SESN1: variants seen among roughly 807,000 people sequenced by gnomAD.
The protein encoded by SESN1 is sestrin-1.
A neutral mutation model predicts 59.3 loss-of-function variants in SESN1; 30 were observed. The observed-to-expected ratio is 0.51, with a 90% CI of 0.38 to 0.69. The LOEUF (loss-of-function observed/expected upper bound fraction) is 0.69. SESN1 is among the 30% of genes least tolerant of loss of function. SESN1 has a pLI of 0.00. For missense variants in SESN1, 566 were observed against 673.0 expected, an observed-to-expected ratio of 0.84 and a Z score of 1.76; for synonymous variants, 197 against 219.9, an observed-to-expected ratio of 0.90 and a Z score of 0.92.
chr6:109,047,406 G>A (rs1375501842), intron 1 of SESN1, among the ~76,000 whole-genome samples: 3 of 135,056 alleles, frequency 2.2e-5, no homozygotes, highest in Admixed American at 7.0e-5. Flanking sequence ...GCCTCTGCCC[G>A]GCCGCCCCTA....
chr6:109,050,556 A>G lies in SESN1; in HGVS notation c.279+43239T>C, dbSNP rs563884996. ...ACTGGTCTGAAAGACTGATGAAATTAGCTTCCTAAGAGAGGCAGGCAAACA... is the reference window on the plus strand; with the variant it reads ...ACTGGTCTGAAAGACTGATGAAATTGGCTTCCTAAGAGAGGCAGGCAAACA... On this transcript the variant is annotated intron_variant, in intron 1 of 9. Transcript: ENST00000436639. 2.8e-4 allele frequency among the ~76,000 whole-genome samples: 42 copies of G among 152,342 alleles called. 1 individual carries two copies. The South Asian group carries it at 7.3e-3, about 26-fold the overall frequency.
At chr6:109,093,589 T>C (rs1481281485) in intron 1 of SESN1, among the ~76,000 whole-genome samples, 3 of 152,184 alleles carry the variant, frequency 2.0e-5, no homozygotes, top group East Asian at 1.9e-4. Context: ...TTAACTGTAG[T>C]TTTCATATAT....
At chr6:109,080,370 C>T (rs1340839905) in intron 1 of SESN1, among the ~76,000 whole-genome samples, 1 of 152,124 alleles carries the variant, frequency 6.6e-6, no homozygotes, top group Non-Finnish European at 1.5e-5. Flanking sequence ...AATCATCTTA[C>T]TAGGAATCTC....
chr6:109,005,110 A>G (rs1302532270), intron 1 of SESN1, among the ~76,000 whole-genome samples: 3 of 152,360 alleles, frequency 2.0e-5, no homozygotes, highest in Admixed American at 1.3e-4. Context: ...GTGAAATGCC[A>G]TACGTAAAAG....
intron 1 of SESN1, among the ~76,000 whole-genome samples, chr6:109,084,251 T>G (rs889309536): frequency 2.0e-5 from 3 of 152,182 alleles, no homozygotes; most frequent in African/African-American, 7.2e-5. Context: ...TTTTTTCCCT[T>G]TAGTATTGTT....
In SESN1 at chr6:109,040,999, G is replaced by A. The variant is rs116414563; in HGVS notation, c.280-38656C>T. 7.8e-3 allele frequency among the ~76,000 whole-genome samples: 1,190 copies of A among 151,952 alleles called. 21 individuals carry two copies. The highest frequency in any genetic ancestry group is 0.028 in the African/African-American group (1,143 of 41,468). ...ATAACATACCCTCAATTTACAGAGT[G>A]TGCATCATTTCAAATTGCAGGCCAG... is the stretch of plus-strand genomic sequence containing the variant. On this transcript the variant is annotated intron_variant, in intron 1 of 9. Transcript: ENST00000436639.
chr6:109,089,197 T>C (rs1172485425), intron 1 of SESN1, among the ~76,000 whole-genome samples: 1 of 152,202 alleles, frequency 6.6e-6, no homozygotes, highest in African/African-American at 2.4e-5. Context: ...CTGCAGAAAT[T>C]GCATATGCAC....
chr6:109,037,174 C>T (rs137949585), intron 1 of SESN1, among the ~76,000 whole-genome samples: 4 of 152,302 alleles, frequency 2.6e-5, no homozygotes, highest in African/African-American at 7.2e-5. Flanking sequence ...TTATGAACCA[C>T]GCTATTTAAG....
intron 1 of SESN1, among the ~76,000 whole-genome samples, chr6:109,077,406 A>G (rs1781049518): frequency 6.6e-6 from 1 of 152,206 alleles, no homozygotes; most frequent in African/African-American, 2.4e-5. Context: ...CTGTTTCCTC[A>G]TCTATAAAAA....
chr6:109,011,897 G>T (rs9486986), intron 1 of SESN1, among the ~76,000 whole-genome samples: 3 of 152,212 alleles, frequency 2.0e-5, no homozygotes, highest in African/African-American at 7.2e-5. Flanking sequence ...CCAAAGTGCT[G>T]GGATTACAGG....
chr6:109,073,185 C>T (rs1247605963), intron 1 of SESN1, among the ~76,000 whole-genome samples: 3 of 152,008 alleles, frequency 2.0e-5, no homozygotes, highest in South Asian at 4.2e-4. Flanking sequence ...TGGGTGAATG[C>T]ATGTACAGAG....
rs1419397333 is a variant in SESN1, at chr6:109,093,314, T to C, written c.279+481A>G. ...TTTAAGATAGGTTTTTATTATTTTATATAATTCTCTTCTTGAAAAAAGAGA... is the reference window on the plus strand; with the variant it reads ...TTTAAGATAGGTTTTTATTATTTTACATAATTCTCTTCTTGAAAAAAGAGA... On this transcript the variant is annotated intron_variant, in intron 1 of 9. Coordinates refer to ENST00000436639, the MANE Select transcript of SESN1 (RefSeq NM_014454.3). Among the ~76,000 whole-genome samples the C allele has an allele frequency of 2.6e-5, 4 of 152,208 alleles. No homozygotes were observed. The East Asian group carries it at 5.8e-4, about 22-fold the overall frequency.
chr6:109,091,973 C>T (rs1055555009), intron 1 of SESN1, among the ~76,000 whole-genome samples: 1 of 152,138 alleles, frequency 6.6e-6, no homozygotes, highest in Non-Finnish European at 1.5e-5. Flanking sequence ...GAACTCATAG[C>T]CTTCCTATGG....
intron 1 of SESN1, among the ~76,000 whole-genome samples, chr6:109,035,883 C>T (rs889331332): frequency 1.3e-5 from 2 of 152,196 alleles, no homozygotes; most frequent in East Asian, 1.9e-4. Flanking sequence ...GCTGGGATTA[C>T]AGACGTGACC....
intron 5 of SESN1, among the ~76,000 whole-genome samples, chr6:108,995,122 GA>G (rs1041867184): frequency 6.6e-5 from 10 of 151,916 alleles, no homozygotes; most frequent in African/African-American, 2.2e-4. Flanking sequence ...AAAATATAAG[GA>G]AAAAAATGAT....
intron 1 of SESN1, among the ~76,000 whole-genome samples, chr6:109,029,724 G>A (rs1004480255): frequency 4.6e-4 from 70 of 152,208 alleles, no homozygotes; most frequent in African/African-American, 1.7e-3. Context: ...TAGAGACAGA[G>A]TCTTGCCATG....
rs1780813119 is a variant in SESN1 at position 109,065,679 on chromosome 6, A to G, written c.279+28116T>C. The stretch of plus-strand genomic sequence containing the variant: ...ATAAGATAAATGTGTGTTCAGGTGT[A>G]GAAAAGACCCTGGATCACACATTTC... On this transcript the variant is annotated intron_variant, in intron 1 of 9. Coordinates refer to ENST00000436639, the MANE Select transcript of SESN1 (RefSeq NM_014454.3). Among the ~76,000 whole-genome samples, 5 of 152,172 alleles carry G rather than the reference A, an allele frequency of 3.3e-5. No homozygotes were observed. The South Asian group carries it at 1.0e-3, about 32-fold the overall frequency.
At chr6:108,989,325 TTGAG>T (rs1779292623) in intron 8 of SESN1, among the ~76,000 whole-genome samples, 2 of 152,120 alleles carry the variant, frequency 1.3e-5, no homozygotes, top group Non-Finnish European at 2.9e-5. Context: ...AAAACAGATT[TTGAG>T]TATTATCGAA....
chr6:109,030,109 G>A (rs908894007), intron 1 of SESN1, among the ~76,000 whole-genome samples: 6 of 152,216 alleles, frequency 3.9e-5, no homozygotes, highest in Non-Finnish European at 5.9e-5. Flanking sequence ...TCTTAGACAC[G>A]TGTCTGCTTC....
Sources: gnomAD v4.1 joint callset for allele counts (sites outside exome capture counted in the v4.1 genomes callset) on GRCh38, gnomAD v4.1.1 for gene constraint, MANE v1.5 for transcripts, NCBI Gene and HGNC (gene_info 2026-07-23, HGNC 2026-07-21) for gene names.